Variants in CPXM2 observed in about 807,000 individuals in gnomAD.
CPXM2 encodes the protein inactive carboxypeptidase-like protein X2.
In CPXM2, 66 loss-of-function variants were observed where a neutral mutation model predicts 86.1. The observed-to-expected ratio is 0.77, with a 90% CI of 0.63 to 0.94. The LOEUF (loss-of-function observed/expected upper bound fraction) is 0.94. CPXM2 is among the 40% of genes least tolerant of loss of function. The probability of loss-of-function intolerance (pLI) is 0.00; values close to 1 mark genes in which losing one functional copy is unlikely to be tolerated. For synonymous variants in CPXM2, 388 were observed against 400.2 expected, an observed-to-expected ratio of 0.97 and a Z score of 0.36; for missense variants, 948 against 1,026.3, an observed-to-expected ratio of 0.92 and a Z score of 1.04.
In CPXM2 at chr10:123,802,021, C is replaced by T. The variant is rs1447381144; in HGVS notation, c.654-2822G>A. Among the ~76,000 whole-genome samples, 8 of 152,310 alleles carry T rather than the reference C, an allele frequency of 5.3e-5. No homozygotes were observed. In the East Asian group the frequency reaches 9.6e-4, roughly 18 times the overall value. ...TGATACTGTCGTTCTCTCCCACTGA[C>T]GTATAAGCATCTCACAGATGGAGGA... On this transcript the variant is annotated intron_variant, in intron 4 of 13. Coordinates refer to ENST00000241305, the MANE Select transcript of CPXM2 (RefSeq NM_198148.3).
intron 4 of CPXM2, among the ~76,000 whole-genome samples, chr10:123,816,109 G>T (rs184267800): frequency 4.6e-5 from 7 of 152,274 alleles, no homozygotes; most frequent in African/African-American, 1.7e-4. Flanking sequence ...AGGGAGATTG[G>T]GATGGTGGAG....
intron 4 of CPXM2, among the ~76,000 whole-genome samples, chr10:123,837,805 T>C (rs1848309240): frequency 6.6e-6 from 1 of 152,232 alleles, no homozygotes; most frequent in South Asian, 2.1e-4. Flanking sequence ...GCATGAATTA[T>C]TTGGAAAACT....
At chr10:123,857,642 C>CGGCGTGGAGATGGAAGGT (rs1564800677) in intron 3 of CPXM2, among the ~76,000 whole-genome samples, 2 of 88,178 alleles carry the variant, frequency 2.3e-5, no homozygotes, top group Admixed American at 2.1e-4. Context: ...AGATGGAAGG[C>CGGCGTGGAGATGGAAGGT]GGCGTGGAGA....
At chr10:123,793,651 T>A (rs903503699) in intron 6 of CPXM2, among the ~76,000 whole-genome samples, 2 of 152,032 alleles carry the variant, frequency 1.3e-5, no homozygotes, top group Admixed American at 1.3e-4. Flanking sequence ...TCTATGCCCA[T>A]CAAAAAGAAG....
At chr10:123,786,936 T>A (rs1473283773) in intron 6 of CPXM2, among the ~76,000 whole-genome samples, 1 of 152,096 alleles carries the variant, frequency 6.6e-6, no homozygotes, top group Non-Finnish European at 1.5e-5. Context: ...CCCCCCTTCT[T>A]GTAAGGAAAA....
intron 2 of CPXM2, among the ~76,000 whole-genome samples, chr10:123,898,506 T>G (rs1372198708): frequency 6.6e-6 from 1 of 152,032 alleles, no homozygotes; most frequent in Admixed American, 6.6e-5. Flanking sequence ...GGAGTGATGA[T>G]GTGCACCTGT....
At chr10:123,817,791 G>A (rs147297943) in intron 4 of CPXM2, among the ~76,000 whole-genome samples, 6 of 152,306 alleles carry the variant, frequency 3.9e-5, no homozygotes, top group Non-Finnish European at 7.4e-5. Flanking sequence ...TTCCCAGATG[G>A]TTTTGGATGA....
In CPXM2 at chr10:123,824,435, C is replaced by A. The variant is rs1042034648; in HGVS notation, c.653+17914G>T. On this transcript the variant is annotated intron_variant, in intron 4 of 13. Transcript: ENST00000241305. Reference sequence around the variant, plus strand: ...ACCATTCCTTCAACCTGGATTGAAGCTAACACAGCATAAAAGATATTCCCA... The same window carrying A: ...ACCATTCCTTCAACCTGGATTGAAGATAACACAGCATAAAAGATATTCCCA... 4.6e-5 allele frequency among the ~76,000 whole-genome samples: 7 copies of A among 152,174 alleles called. No homozygotes were observed. The South Asian group carries it at 1.4e-3, about 31-fold the overall frequency.
chr10:123,923,505 C>T (rs1168412185), intron 2 of CPXM2, among the ~76,000 whole-genome samples: 4 of 149,922 alleles, frequency 2.7e-5, no homozygotes, highest in Admixed American at 2.0e-4. Context: ...GGCGTGAACC[C>T]GGGAGGCGGA....
chr10:123,938,057 C>T (rs992061397), intron 2 of CPXM2, among the ~76,000 whole-genome samples: 1 of 152,014 alleles, frequency 6.6e-6, no homozygotes, highest in African/African-American at 2.4e-5. Flanking sequence ...TAGAAAAAGC[C>T]AGTTCTTACA....
chr10:123,827,410 G>C (rs550751542), intron 4 of CPXM2, among the ~76,000 whole-genome samples: 1 of 152,246 alleles, frequency 6.6e-6, no homozygotes, highest in South Asian at 2.1e-4. Flanking sequence ...GAATAGTGAT[G>C]CAAAAATCAT....
chr10:123,761,544 C>A (rs372720287), intron 11 of CPXM2, among the ~76,000 whole-genome samples: 37 of 152,312 alleles, frequency 2.4e-4, no homozygotes, highest in African/African-American at 8.4e-4. Context: ...TTACCCATCT[C>A]TAACCCTATC....
intron 2 of CPXM2, among the ~76,000 whole-genome samples, chr10:123,899,723 T>G (rs1439930011): frequency 1.3e-5 from 2 of 152,196 alleles, no homozygotes; most frequent in African/African-American, 4.8e-5. Context: ...CTTGGGAAAC[T>G]TGGCTCTCAT....
chr10:123,844,436 T>C (rs1421007472), intron 3 of CPXM2, among the ~76,000 whole-genome samples: 3 of 152,144 alleles, frequency 2.0e-5, no homozygotes, highest in Admixed American at 6.5e-5. Context: ...TTAAATTATA[T>C]GCATTTTTTT....
intron 2 of CPXM2, among the ~76,000 whole-genome samples, chr10:123,930,867 G>A (rs1945661553): frequency 6.6e-6 from 1 of 152,302 alleles, no homozygotes; most frequent in East Asian, 1.9e-4. Flanking sequence ...CAGAAAATGA[G>A]TAGCCCGGGA....
intron 2 of CPXM2, among the ~76,000 whole-genome samples, chr10:123,910,869 G>A (rs1945482076): frequency 6.6e-6 from 1 of 152,136 alleles, no homozygotes; most frequent in African/African-American, 2.4e-5. Flanking sequence ...CCTCTTCCAG[G>A]TCTGGTGGCC....
At chr10:123,826,977 C>T (rs1410494673) in intron 4 of CPXM2, among the ~76,000 whole-genome samples, 2 of 152,070 alleles carry the variant, frequency 1.3e-5, no homozygotes, top group Non-Finnish European at 2.9e-5. Context: ...TGTAATGGGT[C>T]ATTAGTATGA....
chr10:123,851,693 CG>C (rs1426281420), intron 3 of CPXM2, among the ~76,000 whole-genome samples: 1 of 149,974 alleles, frequency 6.7e-6, no homozygotes, highest in Non-Finnish European at 1.5e-5. Flanking sequence ...CGCTTGAACC[CG>C]GGAGATGGAG....
chr10:123,768,577 A>G lies in CPXM2; in HGVS notation c.1248T>C (p.Ile416=). Residue 416 remains isoleucine, a synonymous_variant, in exon 9 of 14, where the codon ATT becomes ATC. Transcript: ENST00000241305. The part of the protein sequence containing the change: ...RIVHLVEETR[I]HVLPSLNPDG... Reference sequence around the variant, plus strand: ...CGGGGTTGAGGGAGGGGAGGACGTGAATCCGCGTCTCCTCCACCAGGTGGA... The same window carrying G: ...CGGGGTTGAGGGAGGGGAGGACGTGGATCCGCGTCTCCTCCACCAGGTGGA... 1 of 1,613,894 alleles carries G rather than the reference A, an allele frequency of 6.2e-7. No individual in the cohort carries two copies. Among genetic ancestry groups the G allele is most frequent in the Non-Finnish European group, 8.5e-7 (1 of 1,179,902 alleles).
Sources: allele counts gnomAD v4.1 joint callset (sites outside exome capture counted in the v4.1 genomes callset), GRCh38; gene constraint gnomAD v4.1.1; transcripts MANE v1.5; gene names NCBI Gene and HGNC (gene_info 2026-07-23, HGNC 2026-07-21).